Variants in MYO1E observed in about 807,000 individuals in gnomAD.
The protein encoded by MYO1E is unconventional myosin-Ie.
Under a neutral mutation model 151.1 loss-of-function variants are expected in MYO1E, and 68 were observed. The ratio of observed to expected loss-of-function variants is 0.45; its 90% CI spans 0.37 to 0.55. The LOEUF is 0.55. MYO1E is among the 20% of genes least tolerant of loss of function. The pLI is 0.00. For synonymous variants in MYO1E, 601 were observed against 501.7 expected (o/e 1.20, Z -2.64); for missense variants, 1,363 against 1,389.3 (o/e 0.98, Z 0.30).
Position 59,134,178 on chromosome 15 carries a change from G to A in MYO1E, c.*3202C>T, listed in dbSNP as rs1462466709. 6.6e-6 allele frequency: 1 copy of A among 152,298 alleles called. No homozygotes were observed. Among genetic ancestry groups the A allele is most frequent in the African/African-American group, 2.4e-5 (1 of 41,448 alleles). The allele number at this position is 152,298 out of a possible 1,614,324, so 9.4% of individuals were successfully genotyped here. ...GGGCAGGTCCTTTAAGGAGGAAACTGCACGATGCTTTTCTACCTTCATTGG... is the reference window on the plus strand; with the variant it reads ...GGGCAGGTCCTTTAAGGAGGAAACTACACGATGCTTTTCTACCTTCATTGG... On this transcript the variant is annotated 3_prime_UTR_variant, in exon 28 of 28. Coordinates refer to ENST00000288235, the MANE Select transcript of MYO1E (RefSeq NM_004998.4).
intron 1 of MYO1E, among the ~76,000 whole-genome samples, chr15:59,306,818 G>A (rs1408963536): frequency 2.4e-4 from 36 of 152,318 alleles, no homozygotes; most frequent in African/African-American, 8.2e-4. Context: ...GGTGAGGCAC[G>A]CCTGGTGCTC....
At chr15:59,277,255 T>G (rs2080324592) in intron 1 of MYO1E, among the ~76,000 whole-genome samples, 1 of 152,016 alleles carries the variant, frequency 6.6e-6, no homozygotes, top group South Asian at 2.1e-4. Context: ...TAAATAAAAA[T>G]CAAAGTCTGG....
chr15:59,333,019 T>C (rs1402613700), intron 1 of MYO1E, among the ~76,000 whole-genome samples: 1 of 152,188 alleles, frequency 6.6e-6, no homozygotes, highest in Non-Finnish European at 1.5e-5. Flanking sequence ...TTCCAAATTT[T>C]TCTTTCCTTT....
At chr15:59,171,813 G>A (rs2079596356) in intron 22 of MYO1E, 84 bp downstream of exon 22, 22 of 1,575,700 alleles carry the variant, frequency 1.4e-5, no homozygotes, top group South Asian at 1.3e-4. Flanking sequence ...GCCCAGCCCG[G>A]CCTTCCTCCT....
At chr15:59,234,212 T>TGATGGATG (rs534252194) in intron 5 of MYO1E, among the ~76,000 whole-genome samples, 11 of 149,046 alleles carry the variant, frequency 7.4e-5, no homozygotes, top group African/African-American at 2.5e-4. Context: ...CACTGATCAC[T>TGATGGATG]GATGGATGGA....
intron 1 of MYO1E, among the ~76,000 whole-genome samples, chr15:59,288,634 T>C (rs2080401355): frequency 6.6e-6 from 1 of 152,212 alleles, no homozygotes. Context: ...ATGTATGATA[T>C]TTCAAGAAAG....
chr15:59,230,360 G>A (rs1736857081), intron 6 of MYO1E, among the ~76,000 whole-genome samples: 1 of 151,576 alleles, frequency 6.6e-6, no homozygotes. Context: ...GTTATTTACA[G>A]AAACTGATAT....
intron 5 of MYO1E, among the ~76,000 whole-genome samples, chr15:59,234,931 C>A (rs1414152929): frequency 6.6e-6 from 1 of 150,850 alleles, no homozygotes. Context: ...ATTTAAAAAA[C>A]TAATCTTTGG....
chr15:59,282,400 G>T (rs1025830678), intron 1 of MYO1E, among the ~76,000 whole-genome samples: 4 of 152,162 alleles, frequency 2.6e-5, no homozygotes, highest in African/African-American at 9.7e-5. Flanking sequence ...TTGTCTTGAG[G>T]CTGAGCAGGA....
At chr15:59,277,564 A>AAAAAAAAAAAAAAAAAC (rs1555416379) in intron 1 of MYO1E, among the ~76,000 whole-genome samples, 9 of 139,836 alleles carry the variant, frequency 6.4e-5, no homozygotes, top group African/African-American at 1.9e-4. Flanking sequence ...AAAAAAAAAA[A>AAAAAAAAAAAAAAAAAC]AAAAAAAAAC....
At chr15:59,200,996 T>C (rs1458265266) in intron 16 of MYO1E, among the ~76,000 whole-genome samples, 1 of 152,214 alleles carries the variant, frequency 6.6e-6, no homozygotes, top group Admixed American at 6.5e-5. Context: ...TGAGGAAGTA[T>C]TCAGCTGGTA....
At chr15:59,349,050 T>C (rs2080809696) in intron 1 of MYO1E, among the ~76,000 whole-genome samples, 1 of 152,120 alleles carries the variant, frequency 6.6e-6, no homozygotes, top group Admixed American at 6.5e-5. Flanking sequence ...GGAAGGTGAC[T>C]ATCTGGGAAG....
At chr15:59,142,036 G>A (rs1417053628) in intron 26 of MYO1E, among the ~76,000 whole-genome samples, 1 of 151,962 alleles carries the variant, frequency 6.6e-6, no homozygotes, top group East Asian at 1.9e-4. Flanking sequence ...GAACCAGGGA[G>A]GCGGAGCTTG....
chr15:59,225,958 C>G (rs1463417135), intron 7 of MYO1E, among the ~76,000 whole-genome samples: 3 of 152,158 alleles, frequency 2.0e-5, no homozygotes, highest in Non-Finnish European at 2.9e-5. Flanking sequence ...GAATTACTTT[C>G]ATGTCAGAAT....
intron 26 of MYO1E, among the ~76,000 whole-genome samples, chr15:59,139,534 A>G (rs1463697990): frequency 6.6e-5 from 8 of 120,360 alleles, no homozygotes; most frequent in Admixed American, 3.6e-4. Context: ...CTACCCCCTC[A>G]TTATTACTCC....
intron 1 of MYO1E, among the ~76,000 whole-genome samples, chr15:59,277,448 G>A (rs993647826): frequency 1.3e-5 from 2 of 151,636 alleles, no homozygotes; most frequent in Non-Finnish European, 2.9e-5. Flanking sequence ...GGGAGGCTGA[G>A]GCAGGAGAAT....
rs774464254 is a variant in MYO1E, at chr15:59,231,729, G to A, written c.483C>T (p.Thr161=). Reference sequence around the variant, plus strand: ...ATCGGCTGGAGTTGTTGTTCCGGACGGTCTTGGCGTTCCCGAAGGCCTCCA... The same window carrying A: ...ATCGGCTGGAGTTGTTGTTCCGGACAGTCTTGGCGTTCCCGAAGGCCTCCA... The part of the protein sequence containing the change: ...PLLEAFGNAK[T]VRNNNSSRFG... Residue 161 remains threonine, a synonymous_variant, in exon 6 of 28, where the codon ACC becomes ACT. Transcript: ENST00000288235. 14 of 1,614,000 alleles carry A rather than the reference G, an allele frequency of 8.7e-6. No individual in the cohort carries two copies. Among genetic ancestry groups the A allele is most frequent in the Admixed American group, 6.7e-5 (4 of 60,006 alleles).
At chr15:59,276,559 T>A (rs188127708) in intron 1 of MYO1E, among the ~76,000 whole-genome samples, 2 of 152,332 alleles carry the variant, frequency 1.3e-5, no homozygotes, top group Admixed American at 6.5e-5. Flanking sequence ...CACTCTCAGA[T>A]CCACATTCCG....
chr15:59,235,479 A>T (rs552903611), intron 5 of MYO1E, among the ~76,000 whole-genome samples: 15 of 152,334 alleles, frequency 9.8e-5, no homozygotes, highest in African/African-American at 3.1e-4. Flanking sequence ...CATCTTGGAG[A>T]CCATTCTCTA....
Sources: gnomAD v4.1 joint callset for allele counts (sites outside exome capture counted in the v4.1 genomes callset) on GRCh38, gnomAD v4.1.1 for gene constraint, MANE v1.5 for transcripts, NCBI Gene and HGNC (gene_info 2026-07-23, HGNC 2026-07-21) for gene names.